The following GRIN2B variants were observed in gnomAD, a reference collection of about 807,000 sequenced individuals.
GRIN2B encodes glutamate receptor ionotropic, NMDA 2B.
In GRIN2B, 5 loss-of-function variants were observed where a neutral mutation model predicts 114.5. That is an observed-to-expected ratio of 0.04 (90% CI 0.02 to 0.09). The LOEUF (loss-of-function observed/expected upper bound fraction) is 0.09. Among genes scored for constraint, GRIN2B ranks in the 10% least tolerant of loss-of-function variants. The pLI, the probability that GRIN2B is intolerant of heterozygous loss-of-function variation, is 1.00. For synonymous variants in GRIN2B, 787 were observed against 745.1 expected (o/e 1.06, Z -0.92); for missense variants, 1,108 against 1,943.5 (o/e 0.57, Z 8.08).
chr12:13,968,950 C>A (rs913813599), intron 2 of GRIN2B, among the ~76,000 whole-genome samples: 1 of 152,182 alleles, frequency 6.6e-6, no homozygotes, highest in African/African-American at 2.4e-5. Context: ...TCCAAGATTA[C>A]ATGATCAGAG....
intron 2 of GRIN2B, among the ~76,000 whole-genome samples, chr12:13,931,467 C>G (rs1039039594): frequency 3.9e-5 from 6 of 152,074 alleles, no homozygotes; most frequent in African/African-American, 1.4e-4. Context: ...CTTTTCTCAC[C>G]CTCTAAAAGT....
At position 13,547,247 on chromosome 12, in the gene GRIN2B, G is replaced by T. The variant is rs1255991539; in HGVS notation, c.*15536C>A. 2 of 152,156 alleles carry T rather than the reference G, an allele frequency of 1.3e-5. No individual in the cohort carries two copies. Among genetic ancestry groups the T allele is most frequent in the African/African-American group, 2.4e-5 (1 of 41,442 alleles). 9.4% of individuals were successfully genotyped at this position (152,156 alleles called of 1,614,324 possible). A position where few individuals can be genotyped will look rare whatever the true frequency, so the allele number is the denominator to read the frequency against. On this transcript the variant is annotated 3_prime_UTR_variant, in exon 14 of 14. Coordinates refer to ENST00000609686, the MANE Select transcript of GRIN2B (RefSeq NM_000834.5). ...GGGTTTCCAAGTAAGGAGCTTGGAA[G>T]GTTGTTCTCAACGATAAAACCCACT...
At chr12:13,921,029 A>G (rs1866813780) in intron 2 of GRIN2B, among the ~76,000 whole-genome samples, 1 of 152,194 alleles carries the variant, frequency 6.6e-6, no homozygotes, top group Non-Finnish European at 1.5e-5. Flanking sequence ...TTTACTCAAT[A>G]GTAGGTAATT....
intron 10 of GRIN2B, among the ~76,000 whole-genome samples, chr12:13,596,014 A>AT (rs897543849): frequency 2.7e-5 from 4 of 149,528 alleles, no homozygotes; most frequent in African/African-American, 9.9e-5. Flanking sequence ...GTTCAAGTGC[A>AT]TTTTTTTTCT....
chr12:13,834,197 ATTTTTTT>A (rs756189402), intron 3 of GRIN2B, among the ~76,000 whole-genome samples: 3 of 111,522 alleles, frequency 2.7e-5, no homozygotes, highest in Non-Finnish European at 5.4e-5. Context: ...CGCCTGGCTA[ATTTTTTT>A]TTTTTTTTTT....
rs796607856 is a variant in GRIN2B at position 13,547,959 on chromosome 12, G to GTGTGTATATATATATATATATA, written c.*14823_*14824insTATATATATATATATATACACA. ...TATGTATGTATGTATGTATGTGTGT[G>GTGTGTATATATATATATATATA]TATATATATATATATATATATATTT... On this transcript the variant is annotated 3_prime_UTR_variant, in exon 14 of 14. Coordinates refer to ENST00000609686, the MANE Select transcript of GRIN2B (RefSeq NM_000834.5). 1.1e-5 allele frequency: 1 copy of GTGTGTATATATATATATATATA among 91,472 alleles called. No individual in the cohort carries two copies. Among genetic ancestry groups the GTGTGTATATATATATATATATA allele is most frequent in the Non-Finnish European group, 2.2e-5 (1 of 46,240 alleles). 5.7% of individuals were successfully genotyped at this position (91,472 alleles called of 1,614,324 possible).
intron 4 of GRIN2B, among the ~76,000 whole-genome samples, chr12:13,736,010 T>A (rs551661963): frequency 1.3e-5 from 2 of 152,034 alleles, no homozygotes; most frequent in African/African-American, 4.8e-5. Context: ...CAAGGCTGAA[T>A]TGAATGCTGG....
At position 13,580,767 on chromosome 12, in the gene GRIN2B, C is replaced by T. The variant is rs568777732; in HGVS notation, c.2011-8803G>A. 3.3e-5 allele frequency among the ~76,000 whole-genome samples: 5 copies of T among 152,200 alleles called. No individual in the cohort carries two copies. In the East Asian group the frequency reaches 5.8e-4, roughly 18 times the overall value. On this transcript the variant is annotated intron_variant, in intron 10 of 13. Coordinates refer to ENST00000609686, the MANE Select transcript of GRIN2B (RefSeq NM_000834.5). ...ACCAGGTATGGAATCTTGCAGTCAC[C>T]GCCACAATCAAGACACAAAACAATT...
chr12:13,711,958 G>C (rs1950418730), intron 4 of GRIN2B, among the ~76,000 whole-genome samples: 1 of 152,066 alleles, frequency 6.6e-6, no homozygotes, highest in Admixed American at 6.6e-5. Context: ...ATTCACAATA[G>C]CAAAGACTTG....
chr12:13,794,044 A>C lies in GRIN2B; in HGVS notation c.412-40129T>G, dbSNP rs1473662279. Among the ~76,000 whole-genome samples, 40 of 148,662 alleles carry C rather than the reference A, an allele frequency of 2.7e-4. 1 individual carries two copies. Among genetic ancestry groups the C allele is most frequent in the African/African-American group, 9.8e-4 (40 of 40,614 alleles). The stretch of plus-strand genomic sequence containing the variant: ...TGGCAAAATCCCATCTCTACAAAAA[A>C]AAAAAAAAAAAAAAAAATACAAAAA... On this transcript the variant is annotated intron_variant, in intron 3 of 13. Transcript: ENST00000609686.
At chr12:13,905,337 G>A (rs1463840361) in intron 2 of GRIN2B, among the ~76,000 whole-genome samples, 1 of 152,142 alleles carries the variant, frequency 6.6e-6, no homozygotes, top group African/African-American at 2.4e-5. Flanking sequence ...AGATCAATCA[G>A]ATGAGCTTTT....
chr12:13,903,890 T>A (rs1866497952), intron 2 of GRIN2B, among the ~76,000 whole-genome samples: 1 of 152,052 alleles, frequency 6.6e-6, no homozygotes, highest in South Asian at 2.1e-4. Context: ...TAGGTTCATA[T>A]AATCTAAGAT....
intron 2 of GRIN2B, among the ~76,000 whole-genome samples, chr12:13,885,036 G>T (rs2041986): frequency 6.6e-6 from 1 of 151,848 alleles, no homozygotes; most frequent in Non-Finnish European, 1.5e-5. Flanking sequence ...ATAGCTATTC[G>T]TGTAGAAGAT....
At chr12:13,644,445 A>G (rs1243623907) in intron 5 of GRIN2B, among the ~76,000 whole-genome samples, 1 of 152,150 alleles carries the variant, frequency 6.6e-6, no homozygotes, top group Non-Finnish European at 1.5e-5. Flanking sequence ...TAGAGCATGG[A>G]TAGAGTAAAT....
chr12:13,595,834 T>A (rs1054151029), intron 10 of GRIN2B, among the ~76,000 whole-genome samples: 3 of 152,186 alleles, frequency 2.0e-5, no homozygotes, highest in African/African-American at 7.2e-5. Flanking sequence ...TTATAGGTAG[T>A]TGGCCACAAT....
At chr12:13,621,276 G>C (rs979864606) in intron 5 of GRIN2B, among the ~76,000 whole-genome samples, 1 of 152,140 alleles carries the variant, frequency 6.6e-6, no homozygotes, top group Non-Finnish European at 1.5e-5. Context: ...TGTCCGAAGT[G>C]GTGTGAGTCT....
chr12:13,582,154 C>G (rs1948861523), intron 10 of GRIN2B, among the ~76,000 whole-genome samples: 1 of 152,178 alleles, frequency 6.6e-6, no homozygotes, highest in Non-Finnish European at 1.5e-5. Flanking sequence ...GACCCTACCC[C>G]TAAAACAAAC....
intron 3 of GRIN2B, among the ~76,000 whole-genome samples, chr12:13,848,514 C>T (rs71459105): frequency 0.13 from 20,084 of 152,072 alleles, 1,459 homozygotes; most frequent in South Asian, 0.17. Context: ...CAGAAAAGAA[C>T]ATGGAAAAGG....
intron 3 of GRIN2B, among the ~76,000 whole-genome samples, chr12:13,838,308 A>G (rs1206386835): frequency 6.6e-6 from 1 of 152,126 alleles, no homozygotes; most frequent in Non-Finnish European, 1.5e-5. Context: ...AGCCCCTGAT[A>G]TTCCCTTGGA....
Sources: allele counts gnomAD v4.1 joint callset (sites outside exome capture counted in the v4.1 genomes callset), GRCh38; gene constraint gnomAD v4.1.1; transcripts MANE v1.5; gene names NCBI Gene and HGNC (gene_info 2026-07-23, HGNC 2026-07-21).